The following PITPNB variants were observed in gnomAD, a reference collection of about 807,000 sequenced individuals.
PITPNB encodes phosphatidylinositol transfer protein beta isoform.
In PITPNB, 16 loss-of-function variants were observed where a neutral mutation model predicts 45.9. The ratio of observed to expected loss-of-function variants is 0.35; its 90% CI spans 0.24 to 0.53. The LOEUF is 0.53. Among genes scored for constraint, PITPNB ranks in the 20% least tolerant of loss-of-function variants. The pLI is 0.93. For missense variants in PITPNB, 188 were observed against 330.5 expected (o/e 0.57, Z 3.34); for synonymous variants, 112 against 108.9 (o/e 1.03, Z -0.18).
At chr22:27,893,841 T>C (rs1935360756) in intron 7 of PITPNB, among the ~76,000 whole-genome samples, 1 of 152,126 alleles carries the variant, frequency 6.6e-6, no homozygotes, top group African/African-American at 2.4e-5. Context: ...TCCTCCCTCC[T>C]TGGCCTTCCA....
chr22:27,860,322 T>C, intron 8 of PITPNB, 81 bp from the exon 9 acceptor site: 1 of 749,978 alleles, frequency 1.3e-6, no homozygotes, highest in Non-Finnish European at 2.2e-6. Flanking sequence ...TATAACGACA[T>C]CATAGACATA....
At chr22:27,915,538 T>C (rs1936051590) in intron 1 of PITPNB, among the ~76,000 whole-genome samples, 1 of 152,122 alleles carries the variant, frequency 6.6e-6, no homozygotes, top group African/African-American at 2.4e-5. Flanking sequence ...ATGTTCACAT[T>C]ACCTCAATCT....
intron 8 of PITPNB, among the ~76,000 whole-genome samples, chr22:27,873,134 G>A (rs1312873486): frequency 6.6e-6 from 1 of 152,118 alleles, no homozygotes; most frequent in African/African-American, 2.4e-5. Flanking sequence ...AGGCATGGTG[G>A]CGCATGCCTG....
At chr22:27,898,621 T>C (rs1229374104) in intron 3 of PITPNB, among the ~76,000 whole-genome samples, 1 of 152,160 alleles carries the variant, frequency 6.6e-6, no homozygotes, top group African/African-American at 2.4e-5. Context: ...AAAGTCTGAA[T>C]ACATTTTATA....
chr22:27,877,614 C>A lies in PITPNB; in HGVS notation c.457-3799G>T, dbSNP rs565448685. On this transcript the variant is annotated intron_variant, in intron 7 of 11. Coordinates refer to ENST00000335272, the MANE Select transcript of PITPNB (RefSeq NM_012399.5). ...CTCTCAATAGAAACCGGATTCATTTCGAATACAAAGAATATTAGTTTCATG... is the reference window on the plus strand; with the variant it reads ...CTCTCAATAGAAACCGGATTCATTTAGAATACAAAGAATATTAGTTTCATG... Among the ~76,000 whole-genome samples, 3 of 152,164 alleles carry A rather than the reference C, an allele frequency of 2.0e-5. No homozygotes were observed. In the East Asian group the frequency reaches 5.8e-4, roughly 29 times the overall value.
At chr22:27,914,443 A>C in intron 1 of PITPNB, 96 bp from the exon 2 acceptor site, 2 of 718,232 alleles carry the variant, frequency 2.8e-6, no homozygotes, top group Non-Finnish European at 4.6e-6. Context: ...ATGATAACAG[A>C]GACAGGTCTC....
chr22:27,881,238 G>GT (rs1280722809), intron 7 of PITPNB, among the ~76,000 whole-genome samples: 1 of 152,150 alleles, frequency 6.6e-6, no homozygotes, highest in African/African-American at 2.4e-5. Context: ...TGAGACAGGC[G>GT]TTTGGCAAAC....
intron 7 of PITPNB, among the ~76,000 whole-genome samples, chr22:27,887,369 G>C (rs1038205949): frequency 6.6e-6 from 1 of 152,206 alleles, no homozygotes; most frequent in African/African-American, 2.4e-5. Flanking sequence ...ATCATTCCCT[G>C]TTTACAAAGC....
chr22:27,871,058 T>TG (rs2146362906), intron 8 of PITPNB, among the ~76,000 whole-genome samples: 1 of 152,118 alleles, frequency 6.6e-6, no homozygotes, highest in Non-Finnish European at 1.5e-5. Context: ...GGGGGGAAAA[T>TG]GGAAAAAAAC....
At chr22:27,864,711 G>A (rs1372486171) in intron 8 of PITPNB, among the ~76,000 whole-genome samples, 1 of 152,142 alleles carries the variant, frequency 6.6e-6, no homozygotes, top group Admixed American at 6.5e-5. Context: ...GCCGAGGCAG[G>A]TGGATCACCT....
At position 27,873,728 on chromosome 22, in the gene PITPNB, C is replaced by T. The variant is rs191911479; in HGVS notation, c.534+10G>A. ...AGACTCTGCCTGTCAGAAAGGTCAG[C>T]ATCCAGTACCTTCCAGTTGGGTCCC... On this transcript the variant is annotated intron_variant, in intron 8 of 11. Transcript: ENST00000335272. The T allele has an allele frequency of 2.9e-4, 455 of 1,561,708 alleles. 2 individuals carry two copies. The African/African-American group carries it at 5.7e-3, about 19-fold the overall frequency.
chr22:27,873,928 C>T, intron 7 of PITPNB, 113 bp from the exon 8 acceptor site: 1 of 691,550 alleles, frequency 1.4e-6, no homozygotes. Flanking sequence ...CAATTAGACT[C>T]ACTGTGCTTT....
chr22:27,859,460 C>A lies in PITPNB; in HGVS notation c.645+671G>T, dbSNP rs183779220. Reference sequence around the variant, plus strand: ...ATAATAATAACAGAATAAATATTCGCCCTACAGGAAAAGTAAACACCAAGG... The same window carrying A: ...ATAATAATAACAGAATAAATATTCGACCTACAGGAAAAGTAAACACCAAGG... On this transcript the variant is annotated intron_variant, in intron 9 of 11. Coordinates refer to ENST00000335272, the MANE Select transcript of PITPNB (RefSeq NM_012399.5). Among the ~76,000 whole-genome samples the A allele has an allele frequency of 9.8e-4, 149 of 152,232 alleles. 1 individual carries two copies. The highest frequency in any genetic ancestry group is 1.9e-3 in the South Asian group (9 of 4,830).
rs141521201 is a variant in PITPNB, at chr22:27,895,637, T to G, written c.372+915A>C. Among the ~76,000 whole-genome samples the G allele has an allele frequency of 1.3e-4, 20 of 151,694 alleles. No individual in the cohort carries two copies. In the East Asian group the frequency reaches 3.7e-3, roughly 28 times the overall value. ...ACAACATAAAATGTCAAATGATCAC[T>G]TGAAAGAAAACTCAAGTAAAATACT... On this transcript the variant is annotated intron_variant, in intron 6 of 11. Coordinates refer to ENST00000335272, the MANE Select transcript of PITPNB (RefSeq NM_012399.5).
intron 8 of PITPNB, among the ~76,000 whole-genome samples, chr22:27,869,535 G>A (rs1158501221): frequency 2.0e-5 from 3 of 151,974 alleles, no homozygotes; most frequent in South Asian, 2.1e-4. Flanking sequence ...ATATAACCAC[G>A]AGGGGTAAAG....
chr22:27,882,245 T>A (rs974256087), intron 7 of PITPNB, among the ~76,000 whole-genome samples: 9 of 152,294 alleles, frequency 5.9e-5, no homozygotes, highest in Admixed American at 5.2e-4. Flanking sequence ...ACCTTTTTTT[T>A]AAACAATATA....
intron 10 of PITPNB, among the ~76,000 whole-genome samples, chr22:27,857,778 C>T (rs913370876): frequency 7.9e-5 from 12 of 152,174 alleles, no homozygotes; most frequent in African/African-American, 2.7e-4. Context: ...CACTGGCTGC[C>T]GGCCCTGCCC....
chr22:27,918,861 T>G (rs918441139), intron 1 of PITPNB, among the ~76,000 whole-genome samples: 7 of 144,616 alleles, frequency 4.8e-5, no homozygotes, highest in South Asian at 2.3e-4. Flanking sequence ...AGCCTGGGGG[T>G]GGGGGGTTGG....
chr22:27,915,530 G>C (rs1936051416), intron 1 of PITPNB, among the ~76,000 whole-genome samples: 1 of 151,884 alleles, frequency 6.6e-6, no homozygotes, highest in African/African-American at 2.4e-5. Flanking sequence ...ATGTCTGAAT[G>C]TTCACATTAC....
Sources: gnomAD v4.1 joint callset for allele counts (sites outside exome capture counted in the v4.1 genomes callset) on GRCh38, gnomAD v4.1.1 for gene constraint, MANE v1.5 for transcripts, NCBI Gene and HGNC (gene_info 2026-07-23, HGNC 2026-07-21) for gene names.